ENTPD5: variants seen among roughly 807,000 people sequenced by gnomAD.
ENTPD5 encodes the protein nucleoside diphosphate phosphatase ENTPD5.
Under a neutral mutation model 60.2 loss-of-function variants are expected in ENTPD5, and 49 were observed. The observed-to-expected ratio is 0.81, with a 90% CI of 0.65 to 1.03. ENTPD5 has a LOEUF of 1.03. ENTPD5 is among the 50% of genes least tolerant of loss of function. The pLI is 0.00. For missense variants in ENTPD5, 480 were observed against 507.6 expected, an observed-to-expected ratio of 0.95 and a Z score of 0.52; for synonymous variants, 187 against 185.4, an observed-to-expected ratio of 1.01 and a Z score of -0.07.
intron 3 of ENTPD5, chr14:74,009,224 G>A (rs1363290129): frequency 2.0e-5 from 3 of 152,164 alleles, no homozygotes; most frequent in South Asian, 2.1e-4. Context: ...CATTCAGGAG[G>A]GGGTTCATAT....
intron 6 of ENTPD5, among the ~76,000 whole-genome samples, chr14:73,979,284 CT>C (rs1009227766): frequency 6.0e-4 from 88 of 146,230 alleles, no homozygotes; most frequent in Admixed American, 1.2e-3. Context: ...CCTTTCCCTG[CT>C]TTTTTTTTTT....
intron 6 of ENTPD5, among the ~76,000 whole-genome samples, chr14:73,981,823 A>G (rs1378818050): frequency 3.4e-5 from 5 of 146,822 alleles, no homozygotes; most frequent in African/African-American, 1.2e-4. Flanking sequence ...AAAAAAAAAA[A>G]TCAAACTTTA....
chr14:73,978,336 G>C (rs115579701), intron 6 of ENTPD5, among the ~76,000 whole-genome samples: 3,182 of 150,874 alleles, frequency 0.021, 102 homozygotes, highest in African/African-American at 0.075. Flanking sequence ...GGGCATGGTG[G>C]CTCATACCTC....
intron 2 of ENTPD5, among the ~76,000 whole-genome samples, chr14:74,013,040 T>C (rs1355942745): frequency 1.3e-5 from 2 of 152,192 alleles, no homozygotes; most frequent in East Asian, 1.9e-4. Flanking sequence ...TCTAGTCTAG[T>C]GGTTCTGAAA....
In ENTPD5 at chr14:73,966,018, T is replaced by C. The variant is rs533473827; in HGVS notation, c.*910A>G. ...AGAATAAAAGGGCAAACTGAAATAA[T>C]AGATCCTGGAATAGCACAGACACTG... is the stretch of plus-strand genomic sequence containing the variant. On this transcript the variant is annotated 3_prime_UTR_variant, in exon 16 of 16. Transcript: ENST00000334696. The C allele has an allele frequency of 1.3e-5, 2 of 152,314 alleles. No homozygotes were observed. Among genetic ancestry groups the C allele is most frequent in the African/African-American group, 4.8e-5 (2 of 41,566 alleles). The allele number at this position is 152,314 out of a possible 1,614,324, so 9.4% of individuals were successfully genotyped here. A position where few individuals can be genotyped will look rare whatever the true frequency, so the allele number is the denominator to read the frequency against.
chr14:73,983,150 G>T lies in ENTPD5; in HGVS notation c.309C>A (p.Thr103=), dbSNP rs150134014. ...TGGCCACCTCTAAGAGCCCTTGAAC[G>T]GTCTCAGCACCCTTCAAAAGAGATA... ...FVDQPKQGAE[T]VQGLLEVAKD... The change falls in exon 6 of 16, where the codon ACC becomes ACA. Residue 103 remains threonine, a synonymous_variant. Coordinates refer to ENST00000334696, the MANE Select transcript of ENTPD5 (RefSeq NM_001249.5). 1.2e-5 allele frequency: 19 copies of T among 1,613,464 alleles called. No individual in the cohort carries two copies. The South Asian group carries it at 1.4e-4, about 12-fold the overall frequency.
intron 3 of ENTPD5, chr14:74,003,571 T>C: frequency 4.7e-6 from 3 of 633,258 alleles, no homozygotes; most frequent in Non-Finnish European, 8.5e-6. Context: ...TGCATGCTAT[T>C]GTGTAGAGCT....
Position 73,963,344 on chromosome 14 carries a change from T to C in ENTPD5, c.*3584A>G. The C allele has an allele frequency of 2.4e-6, 1 of 419,960 alleles. No homozygotes were observed. The highest frequency in any genetic ancestry group is 4.2e-6 in the Non-Finnish European group (1 of 237,808). 26.0% of individuals were successfully genotyped at this position (419,960 alleles called of 1,614,324 possible). A position where few individuals can be genotyped will look rare whatever the true frequency, so the allele number is the denominator to read the frequency against. On this transcript the variant is annotated 3_prime_UTR_variant, in exon 16 of 16. Coordinates refer to ENST00000334696, the MANE Select transcript of ENTPD5 (RefSeq NM_001249.5). Reference sequence around the variant, plus strand: ...CATTTTGTTTTTGTTTTAATGTTGGTCATAAATTTATACAGTTGTTTTTTG... The same window carrying C: ...CATTTTGTTTTTGTTTTAATGTTGGCCATAAATTTATACAGTTGTTTTTTG...
At chr14:73,968,274 G>T (rs2057070479) in intron 15 of ENTPD5, among the ~76,000 whole-genome samples, 1 of 152,154 alleles carries the variant, frequency 6.6e-6, no homozygotes, top group Non-Finnish European at 1.5e-5. Flanking sequence ...GTGTTTATCG[G>T]TTTATCAATT....
chr14:74,012,293 G>A (rs775051896), intron 2 of ENTPD5, among the ~76,000 whole-genome samples: 11 of 91,852 alleles, frequency 1.2e-4, no homozygotes, highest in Non-Finnish European at 1.2e-4. Context: ...TAGTAGAGAG[G>A]GGGGGGTTTC....
At chr14:73,995,440 C>T (rs1016815194) in intron 3 of ENTPD5, among the ~76,000 whole-genome samples, 1 of 151,820 alleles carries the variant, frequency 6.6e-6, no homozygotes, top group African/African-American at 2.4e-5. Flanking sequence ...ATGAATACTC[C>T]AAAGGGATAA....
chr14:73,991,188 G>C (rs1246039142), intron 3 of ENTPD5, among the ~76,000 whole-genome samples: 1 of 152,022 alleles, frequency 6.6e-6, no homozygotes, highest in Non-Finnish European at 1.5e-5. Context: ...TTTTGTTTTG[G>C]TGATTTGTAT....
At chr14:73,976,536 C>G (rs1320477656) in intron 8 of ENTPD5, 124 bp from the exon 9 acceptor site, 9 of 704,880 alleles carry the variant, frequency 1.3e-5, no homozygotes, top group Non-Finnish European at 2.1e-5. Context: ...AGCCCCAAGG[C>G]TGCAGGTGAA....
intron 12 of ENTPD5, among the ~76,000 whole-genome samples, chr14:73,973,265 T>C (rs1426161194): frequency 6.6e-6 from 1 of 152,222 alleles, no homozygotes; most frequent in East Asian, 1.9e-4. Context: ...ATGGCCAACC[T>C]TGTGCTGCTG....
downstream of ENTPD5, chr14:73,959,775 G>A: frequency 8.5e-7 from 1 of 1,178,560 alleles, no homozygotes. Flanking sequence ...TCACCATGTT[G>A]GCCAGGCTGG....
Position 74,019,265 on chromosome 14 carries a change from C to A in ENTPD5, c.-253G>T. 1 of 319,254 alleles carries A rather than the reference C, an allele frequency of 3.1e-6. No individual in the cohort carries two copies. Among genetic ancestry groups the A allele is most frequent in the Non-Finnish European group, 4.6e-6 (1 of 218,256 alleles). The allele number at this position is 319,254 out of a possible 1,614,324, so 19.8% of individuals were successfully genotyped here. A position where few individuals can be genotyped will look rare whatever the true frequency, so the allele number is the denominator to read the frequency against. On this transcript the variant is annotated 5_prime_UTR_variant, in exon 1 of 16. It adds an upstream start codon to the 5' untranslated region. Coordinates refer to ENST00000334696, the MANE Select transcript of ENTPD5 (RefSeq NM_001249.5). The stretch of plus-strand genomic sequence containing the variant: ...GCACACTCACCGCGCGCGCGCCACC[C>A]TTGCGCGGCAGCCCGCCGCCCTCGG...
chr14:73,966,861 A>G lies in ENTPD5; in HGVS notation c.*67T>C, dbSNP rs114220367. On this transcript the variant is annotated 3_prime_UTR_variant, in exon 16 of 16. Coordinates refer to ENST00000334696, the MANE Select transcript of ENTPD5 (RefSeq NM_001249.5). Reference sequence around the variant, plus strand: ...AGGATGTCCCCAGACTAGTTCAGAAACTAAGTGCTCTCTCCTCCCCTTAAA... The same window carrying G: ...AGGATGTCCCCAGACTAGTTCAGAAGCTAAGTGCTCTCTCCTCCCCTTAAA... 10,005 of 1,240,098 alleles carry G rather than the reference A, an allele frequency of 8.1e-3. 102 individuals carry two copies. The highest frequency in any genetic ancestry group is 0.029 in the South Asian group (2,412 of 82,250). The allele number at this position is 1,240,098 out of a possible 1,614,324, so 76.8% of individuals were successfully genotyped here.
chr14:73,960,966 A>G (rs963998869), downstream of ENTPD5: 3 of 673,034 alleles, frequency 4.5e-6, no homozygotes, highest in Non-Finnish European at 7.9e-6. Flanking sequence ...GGGCCAGCTC[A>G]TGTACAGTTT....
downstream of ENTPD5, chr14:73,960,361 G>A: frequency 1.0e-6 from 1 of 987,044 alleles, no homozygotes; most frequent in Non-Finnish European, 1.2e-6. Flanking sequence ...TAATAATTCT[G>A]GAGTAGACAC....
Sources: gnomAD v4.1 joint callset for allele counts (sites outside exome capture counted in the v4.1 genomes callset) on GRCh38, gnomAD v4.1.1 for gene constraint, MANE v1.5 for transcripts, NCBI Gene and HGNC (gene_info 2026-07-23, HGNC 2026-07-21) for gene names.